Variants in PTPRD observed in about 807,000 individuals in gnomAD.
The protein encoded by PTPRD is receptor-type tyrosine-protein phosphatase delta.
PTPRD carries 34 observed loss-of-function variants against 214.5 expected under a neutral mutation model. The ratio of observed to expected loss-of-function variants is 0.16; its 90% CI spans 0.12 to 0.21. PTPRD has a LOEUF of 0.21. Among genes scored for constraint, PTPRD ranks in the 10% least tolerant of loss-of-function variants. PTPRD has a pLI of 1.00. For synonymous variants in PTPRD, 1,128 were observed against 845.7 expected (o/e 1.33, Z -5.79); for missense variants, 2,545 against 2,398.7 (o/e 1.06, Z -1.27).
intron 9 of PTPRD, among the ~76,000 whole-genome samples, chr9:9,215,439 T>C (rs985583804): frequency 5.3e-5 from 8 of 152,096 alleles, no homozygotes; most frequent in African/African-American, 1.9e-4. Context: ...AAAAATCAAA[T>C]GTGATAATTT....
At chr9:10,020,450 C>G (rs1452847491) in intron 4 of PTPRD, among the ~76,000 whole-genome samples, 1 of 117,294 alleles carries the variant, frequency 8.5e-6, no homozygotes, top group Non-Finnish European at 1.9e-5. Context: ...TACAGGTGTG[C>G]CGCCATCACA....
chr9:10,446,417 C>CTTTTTTTT (rs34478548), intron 2 of PTPRD, among the ~76,000 whole-genome samples: 176 of 92,952 alleles, frequency 1.9e-3, no homozygotes, highest in Non-Finnish European at 2.2e-3. Context: ...CTATTTTTTT[C>CTTTTTTTT]TTTTTTTTTT....
intron 8 of PTPRD, among the ~76,000 whole-genome samples, chr9:9,410,963 G>A (rs553895371): frequency 2.0e-5 from 3 of 152,044 alleles, no homozygotes; most frequent in East Asian, 1.9e-4. Context: ...GTGTGGGCGC[G>A]TGCCTGCCTT....
intron 35 of PTPRD, among the ~76,000 whole-genome samples, chr9:8,405,764 A>G (rs560193296): frequency 1.8e-4 from 27 of 152,280 alleles, no homozygotes; most frequent in African/African-American, 5.8e-4. Context: ...AATATACTCT[A>G]TTATGTTAAC....
chr9:10,051,169 C>CA (rs1359966909), intron 3 of PTPRD, among the ~76,000 whole-genome samples: 1 of 151,926 alleles, frequency 6.6e-6, no homozygotes, highest in Non-Finnish European at 1.5e-5. Context: ...TATTTTTAAG[C>CA]AAAGGGCTCA....
intron 3 of PTPRD, among the ~76,000 whole-genome samples, chr9:10,174,655 T>A (rs569793391): frequency 2.7e-4 from 41 of 152,174 alleles, no homozygotes; most frequent in African/African-American, 9.9e-4. Flanking sequence ...GTAGTCTGTG[T>A]ATGTATTTCC....
intron 3 of PTPRD, among the ~76,000 whole-genome samples, chr9:10,296,013 C>G (rs965522126): frequency 6.6e-6 from 1 of 151,998 alleles, no homozygotes; most frequent in African/African-American, 2.4e-5. Flanking sequence ...AAAGGACAGA[C>G]AGAACCACAT....
chr9:10,531,652 T>C (rs1168260480), intron 2 of PTPRD, among the ~76,000 whole-genome samples: 9 of 152,176 alleles, frequency 5.9e-5, no homozygotes. Context: ...TAATATCAAA[T>C]ATGGCTGGCT....
chr9:10,450,413 A>G (rs2098833322), intron 2 of PTPRD, among the ~76,000 whole-genome samples: 1 of 151,988 alleles, frequency 6.6e-6, no homozygotes, highest in South Asian at 2.1e-4. Flanking sequence ...ACTATAAGCA[A>G]TTTGTATTAT....
intron 4 of PTPRD, among the ~76,000 whole-genome samples, chr9:9,972,802 T>C (rs952161811): frequency 6.6e-6 from 1 of 152,140 alleles, no homozygotes; most frequent in Admixed American, 6.5e-5. Flanking sequence ...TTGCTTCCTT[T>C]CTCATATCTC....
At chr9:9,792,874 A>C (rs1033586024) in intron 5 of PTPRD, among the ~76,000 whole-genome samples, 1 of 152,178 alleles carries the variant, frequency 6.6e-6, no homozygotes, top group African/African-American at 2.4e-5. Flanking sequence ...AGTAACTCTG[A>C]AACATTTGTC....
intron 7 of PTPRD, among the ~76,000 whole-genome samples, chr9:9,610,347 A>C (rs1486323587): frequency 1.3e-5 from 2 of 152,212 alleles, no homozygotes; most frequent in Non-Finnish European, 2.9e-5. Flanking sequence ...GTTGTAGGTA[A>C]ATTAGTATTG....
chr9:8,502,320 A>G (rs2097427589), intron 23 of PTPRD, among the ~76,000 whole-genome samples: 1 of 152,170 alleles, frequency 6.6e-6, no homozygotes, highest in African/African-American at 2.4e-5. Context: ...TAGACTGAAT[A>G]AAGCAATCCT....
chr9:8,397,561 A>C (rs189875254), intron 36 of PTPRD, among the ~76,000 whole-genome samples: 3 of 152,308 alleles, frequency 2.0e-5, no homozygotes, highest in Admixed American at 2.0e-4. Context: ...CATGGGTACA[A>C]TGTGAAATTG....
intron 4 of PTPRD, among the ~76,000 whole-genome samples, chr9:10,016,398 C>T (rs62536947): frequency 7.9e-4 from 42 of 53,236 alleles, no homozygotes; most frequent in South Asian, 1.9e-3. Context: ...GATAGATAGA[C>T]AGATAGATAG....
At chr9:9,020,555 G>C (rs1295169609) in intron 10 of PTPRD, among the ~76,000 whole-genome samples, 1 of 152,166 alleles carries the variant, frequency 6.6e-6, no homozygotes, top group Non-Finnish European at 1.5e-5. Flanking sequence ...CAGGTTTGTG[G>C]CTTGAACAAC....
intron 13 of PTPRD, among the ~76,000 whole-genome samples, chr9:8,634,172 A>C (rs1252305306): frequency 6.6e-6 from 1 of 151,736 alleles, no homozygotes; most frequent in African/African-American, 2.4e-5. Context: ...ATCATTAGGA[A>C]CTCTTCTTGG....
intron 44 of PTPRD, among the ~76,000 whole-genome samples, chr9:8,326,103 T>C (rs557168879): frequency 5.9e-5 from 9 of 152,348 alleles, no homozygotes; most frequent in African/African-American, 2.2e-4. Context: ...CTTCCAATAC[T>C]GTGTTGAATA....
At chr9:8,554,504 G>A (rs970427038) in intron 14 of PTPRD, among the ~76,000 whole-genome samples, 1 of 152,244 alleles carries the variant, frequency 6.6e-6, no homozygotes, top group South Asian at 2.1e-4. Context: ...TGGGAACACA[G>A]AGAGGTATAT....
Sources: allele counts gnomAD v4.1 joint callset (sites outside exome capture counted in the v4.1 genomes callset), GRCh38; gene constraint gnomAD v4.1.1; transcripts MANE v1.5; gene names NCBI Gene and HGNC (gene_info 2026-07-23, HGNC 2026-07-21).